Variants in CYB5RL observed in about 807,000 individuals in gnomAD.
CYB5RL encodes cytochrome b5 reductase like, also known as NADH-cytochrome b5 reductase-like.
In CYB5RL, 38 loss-of-function variants were observed where a neutral mutation model predicts 37.5. That is an observed-to-expected ratio of 1.01 (90% CI 0.78 to 1.33). The LOEUF (loss-of-function observed/expected upper bound fraction) is 1.33. Ranked by LOEUF, CYB5RL falls within the 40% of genes most tolerant of loss-of-function variation. The probability of loss-of-function intolerance (pLI) is 0.00; values close to 1 mark genes in which losing one functional copy is unlikely to be tolerated. For synonymous variants in CYB5RL, 141 were observed against 151.9 expected (o/e 0.93, Z 0.53); for missense variants, 388 against 394.4 (o/e 0.98, Z 0.14).
chr1:54,179,011 A>T (rs953503913), intron 7 of CYB5RL, 138 bp downstream of exon 7: 1 of 964,192 alleles, frequency 1.0e-6, no homozygotes, highest in African/African-American at 1.6e-5. Context: ...TGCCTTCCAT[A>T]CAGGTGGGTG....
rs1659920337 is a variant in CYB5RL, at chr1:54,172,569, C to T, written c.*2050G>A. 6.6e-6 allele frequency: 1 copy of T among 152,274 alleles called. No homozygotes were observed. Among genetic ancestry groups the T allele is most frequent in the South Asian group, 2.1e-4 (1 of 4,828 alleles). The allele number at this position is 152,274 out of a possible 1,614,324, so 9.4% of individuals were successfully genotyped here. A position where few individuals can be genotyped will look rare whatever the true frequency, so the allele number is the denominator to read the frequency against. On this transcript the variant is annotated 3_prime_UTR_variant, in exon 8 of 8. Transcript: ENST00000534324. ...GCTCTCCCTAGACTAGGCTAAAGCC[C>T]CTGCCAACCACTCTCCCAGCACCCT...
rs1036198896 is a variant in CYB5RL at position 54,187,844 on chromosome 1, G to A, written c.348-105C>T. The A allele has an allele frequency of 1.6e-5, 15 of 937,616 alleles. No individual in the cohort carries two copies. The African/African-American group carries it at 2.4e-4, about 15-fold the overall frequency. 58.1% of individuals were successfully genotyped at this position (937,616 alleles called of 1,614,324 possible). On this transcript the variant is annotated intron_variant, in intron 4 of 7. Coordinates refer to ENST00000534324, the MANE Select transcript of CYB5RL (RefSeq NM_001031672.4). ...TAATCCCCACACTTTGGGAGGCCGAGGTGGGCTGATCACTTGAGGTCAGGA... is the reference window on the plus strand; with the variant it reads ...TAATCCCCACACTTTGGGAGGCCGAAGTGGGCTGATCACTTGAGGTCAGGA...
At chr1:54,187,851 T>C (rs897772915) in intron 4 of CYB5RL, 112 bp from the exon 5 acceptor site, 4 of 853,688 alleles carry the variant, frequency 4.7e-6, no homozygotes, top group African/African-American at 1.7e-5. Flanking sequence ...CGAGGTGGGC[T>C]GATCACTTGA....
chr1:54,177,149 G>T (rs1660041557), intron 7 of CYB5RL, among the ~76,000 whole-genome samples: 2 of 152,308 alleles, frequency 1.3e-5, no homozygotes, highest in South Asian at 4.1e-4. Flanking sequence ...GCAAGGGCTA[G>T]AAACAGGGTG....
intron 4 of CYB5RL, chr1:54,187,970 G>T: frequency 2.0e-6 from 1 of 499,524 alleles, no homozygotes; most frequent in South Asian, 2.6e-5. Flanking sequence ...CAGCTACCTG[G>T]GAGGCTGAGT....
chr1:54,178,398 T>G (rs959375469), intron 7 of CYB5RL, among the ~76,000 whole-genome samples: 4 of 151,828 alleles, frequency 2.6e-5, no homozygotes, highest in African/African-American at 9.7e-5. Flanking sequence ...GAGGGAAAAG[T>G]GAAGCTACCA....
In CYB5RL at chr1:54,174,224, A is replaced by T; in HGVS notation, c.*395T>A. 4.0e-6 allele frequency: 1 copy of T among 252,242 alleles called. No homozygotes were observed. The highest frequency in any genetic ancestry group is 8.5e-5 in the East Asian group (1 of 11,730). The allele number at this position is 252,242 out of a possible 1,614,324, so 15.6% of individuals were successfully genotyped here. ...GAGCCCCTAATCCGAGATGGTGCTG[A>T]GGCCACAGTTGGAGCCCCCATTAGA... On this transcript the variant is annotated 3_prime_UTR_variant, in exon 8 of 8. Coordinates refer to ENST00000534324, the MANE Select transcript of CYB5RL (RefSeq NM_001031672.4).
rs376254778 is a variant in CYB5RL, at chr1:54,190,883, T to C, written c.212A>G (p.Lys71Arg). 8.7e-6 allele frequency: 14 copies of C among 1,611,772 alleles called. No individual in the cohort carries two copies. Among genetic ancestry groups the C allele is most frequent in the Non-Finnish European group, 1.2e-5 (14 of 1,179,310 alleles). Residue 71 changes from lysine (K) to arginine (R), a missense_variant, in exon 4 of 8, where the codon AAG (lysine) becomes AGG (arginine). Lys to Arg is a conservative substitution (Grantham distance 26, BLOSUM62 2). Transcript: ENST00000534324. The stretch of plus-strand genomic sequence containing the variant: ...GGCCACGAAGGTCTCTGGGTTCAGC[T>C]TGGAGGGGCAGCTCTGCAACAGGAA... ...RGPESQSCPS[K>R]LNPETFVAFC...
chr1:54,194,370 CAA>C (rs1203676236), intron 3 of CYB5RL, among the ~76,000 whole-genome samples: 2 of 133,650 alleles, frequency 1.5e-5, no homozygotes, highest in African/African-American at 2.8e-5. Flanking sequence ...AACTCCATCT[CAA>C]AAAAAAAAAG....
intron 7 of CYB5RL, chr1:54,175,399 A>G: frequency 3.7e-6 from 1 of 268,630 alleles, no homozygotes; most frequent in South Asian, 4.1e-5. Context: ...TCACTGAGAA[A>G]GGCTAAGCTC....
chr1:54,190,941 G>A (rs369197751), intron 3 of CYB5RL, 45 bp from the exon 4 acceptor site: 16 of 1,591,352 alleles, frequency 1.0e-5, no homozygotes, highest in Non-Finnish European at 1.3e-5. Flanking sequence ...GGGCTCCACA[G>A]ACACACAGGC....
rs372078715 is a variant in CYB5RL at position 54,190,822 on chromosome 1, G to C, written c.273C>G (p.Asp91Glu). 3 of 1,598,040 alleles carry C rather than the reference G, an allele frequency of 1.9e-6. No homozygotes were observed. The highest frequency in any genetic ancestry group is 2.7e-5 in the African/African-American group (2 of 74,682). ...CIIAMDRLTK[D>E]TYRVRFALPG... is the part of the protein sequence containing the mutation. ...GTAGAGCAAACCGGACACGGTAGGT[G>C]TCCTTAGTGAGCCTGTCCATGGCAA... The change falls in exon 4 of 8, where the codon GAC becomes GAG. Residue 91 changes from aspartate (D) to glutamate (E), a missense_variant. Physicochemically the swap from Asp to Glu is conservative, Grantham distance 45. Transcript: ENST00000534324.
intron 4 of CYB5RL, 55 bp downstream of exon 4, chr1:54,190,693 A>G: frequency 1.3e-6 from 2 of 1,549,880 alleles, no homozygotes; most frequent in Admixed American, 2.0e-5. Context: ...GCCAGCAGCT[A>G]GCAAATAGCA....
intron 5 of CYB5RL, chr1:54,185,794 CCT>C: frequency 1.3e-5 from 2 of 152,334 alleles, no homozygotes; most frequent in Middle Eastern, 6.8e-3. Flanking sequence ...TCTTTAGTAC[CCT>C]GATATGGTTT....
At chr1:54,192,961 G>A (rs1433625527) in intron 3 of CYB5RL, among the ~76,000 whole-genome samples, 1 of 152,138 alleles carries the variant, frequency 6.6e-6, no homozygotes, top group African/African-American at 2.4e-5. Context: ...CACCATGTTG[G>A]CCAGGCTGGT....
intron 1 of CYB5RL, 45 bp downstream of exon 1, chr1:54,199,931 G>A (rs542491033): frequency 5.2e-6 from 2 of 386,820 alleles, no homozygotes; most frequent in Admixed American, 8.7e-5. Flanking sequence ...TCTAAGTCCA[G>A]GTCTGAAGTC....
At chr1:54,191,022 C>T in intron 3 of CYB5RL, 126 bp from the exon 4 acceptor site, 1 of 1,250,896 alleles carries the variant, frequency 8.0e-7, no homozygotes, top group East Asian at 2.5e-5. Flanking sequence ...GTAAACTGGA[C>T]ACTAGCCTCA....
At chr1:54,180,371 C>A in intron 6 of CYB5RL, 1 of 305,442 alleles carries the variant, frequency 3.3e-6, no homozygotes, top group Non-Finnish European at 6.4e-6. Context: ...CTTGGGAAGC[C>A]AAGGCAGGCG....
intron 3 of CYB5RL, among the ~76,000 whole-genome samples, chr1:54,191,306 C>T (rs1263816840): frequency 6.6e-6 from 1 of 152,212 alleles, no homozygotes; most frequent in African/African-American, 2.4e-5. Context: ...TTATCCAGAA[C>T]ATTCATCTCC....
Sources: allele counts gnomAD v4.1 joint callset (sites outside exome capture counted in the v4.1 genomes callset), GRCh38; gene constraint gnomAD v4.1.1; transcripts MANE v1.5; gene names NCBI Gene and HGNC (gene_info 2026-07-23, HGNC 2026-07-21).